HAUS6: variants seen among roughly 807,000 people sequenced by gnomAD.
HAUS6 encodes the protein HAUS augmin like complex subunit 6, also known as HAUS augmin-like complex subunit 6.
Under a neutral mutation model 106.8 loss-of-function variants are expected in HAUS6, and 80 were observed. The ratio of observed to expected loss-of-function variants is 0.75; its 90% CI spans 0.63 to 0.90. The LOEUF is 0.90. Among genes scored for constraint, HAUS6 ranks in the 40% least tolerant of loss-of-function variants. The pLI, the probability that HAUS6 is intolerant of heterozygous loss-of-function variation, is 0.00. For synonymous variants in HAUS6, 356 were observed against 379.1 expected, an observed-to-expected ratio of 0.94 and a Z score of 0.71; for missense variants, 1,155 against 1,118.1, an observed-to-expected ratio of 1.03 and a Z score of -0.47.
chr9:19,056,485 G>C (rs1588590171), intron 16 of HAUS6, 81 bp from the exon 17 acceptor site: 1 of 781,254 alleles, frequency 1.3e-6, no homozygotes, highest in Non-Finnish European at 2.3e-6. Context: ...GCAAATTTTA[G>C]TCAATACAAA....
In HAUS6 at chr9:19,054,892, A is replaced by G. The variant is rs1239242807; in HGVS notation, c.*1451T>C. The G allele has an allele frequency of 6.6e-6, 1 of 152,178 alleles. No individual in the cohort carries two copies. Among genetic ancestry groups the G allele is most frequent in the Non-Finnish European group, 1.5e-5 (1 of 68,036 alleles). The allele number at this position is 152,178 out of a possible 1,614,324, so 9.4% of individuals were successfully genotyped here. ...AGACAGTATCACATGCTAAGTTAAG[A>G]TTTTCAGATACTGAGTTTTCTTAAA... On this transcript the variant is annotated 3_prime_UTR_variant, in exon 17 of 17. Transcript: ENST00000380502.
chr9:19,058,363 C>T lies in HAUS6; in HGVS notation c.2404G>A (p.Glu802Lys), dbSNP rs1355685976. The change falls in exon 16 of 17, where the codon GAG becomes AAG. Residue 802 changes from glutamate to lysine, a missense_variant. This residue lies in a region of HAUS6 where 380 missense variants were observed against 394.8 expected (regional missense o/e 0.96). Coordinates refer to ENST00000380502, the MANE Select transcript of HAUS6 (RefSeq NM_017645.5). Reference protein sequence around the residue: ...SSSSEANFKLEPNSPMHGGTL... With the variant: ...SSSSEANFKLKPNSPMHGGTL... ...CCACCATGCATAGGACTATTTGGCT[C>T]CAGTTTAAAATTGGCCTCTGAACTA... is the stretch of plus-strand genomic sequence containing the variant. 6.8e-5 allele frequency: 110 copies of T among 1,613,742 alleles called. No homozygotes were observed. The highest frequency in any genetic ancestry group is 9.2e-5 in the Non-Finnish European group (109 of 1,179,850).
intron 11 of HAUS6, 26 bp from the exon 12 acceptor site, chr9:19,070,326 T>G (rs1464560999): frequency 8.6e-7 from 1 of 1,167,968 alleles, no homozygotes; most frequent in Non-Finnish European, 1.3e-6. Flanking sequence ...AATTGGTTAC[T>G]CTTTAATTAT....
chr9:19,065,291 G>C (rs1836736700), intron 12 of HAUS6, among the ~76,000 whole-genome samples: 1 of 152,182 alleles, frequency 6.6e-6, no homozygotes, highest in South Asian at 2.1e-4. Flanking sequence ...TGCCAAGATT[G>C]AGGCCTATGA....
chr9:19,084,083 T>C (rs894599752), intron 7 of HAUS6, among the ~76,000 whole-genome samples: 3 of 143,126 alleles, frequency 2.1e-5, no homozygotes, highest in African/African-American at 7.7e-5. Context: ...ACTCATAGAA[T>C]GTCTATTTGT....
intron 11 of HAUS6, among the ~76,000 whole-genome samples, chr9:19,071,436 G>T (rs1200756717): frequency 6.6e-6 from 1 of 152,052 alleles, no homozygotes; most frequent in Non-Finnish European, 1.5e-5. Flanking sequence ...AAGAGATATT[G>T]GTGAATAAGT....
At chr9:19,056,794 T>C (rs573422669) in intron 16 of HAUS6, 2 of 165,580 alleles carry the variant, frequency 1.2e-5, no homozygotes, top group East Asian at 3.4e-4. Context: ...AGAGACATAG[T>C]CTCCCTGTGT....
rs187698187 is a variant in HAUS6, at chr9:19,087,910, G to C, written c.585-754C>G. On this transcript the variant is annotated intron_variant, in intron 5 of 16. Transcript: ENST00000380502. ...CAATTATATACAACCTATTCTTTGA[G>C]AGTAACAGCCTTGTCTGTCCTGTTT... is the stretch of plus-strand genomic sequence containing the variant. Among the ~76,000 whole-genome samples, 28 of 146,994 alleles carry C rather than the reference G, an allele frequency of 1.9e-4. No homozygotes were observed. The East Asian group carries it at 3.8e-3, about 20-fold the overall frequency.
At chr9:19,057,737 GC>G (rs1263129664) in intron 16 of HAUS6, 2 of 426,750 alleles carry the variant, frequency 4.7e-6, no homozygotes. Context: ...GATTGGGGGG[GC>G]TTTTTTTTCC....
intron 7 of HAUS6, among the ~76,000 whole-genome samples, chr9:19,086,114 C>T (rs1013400254): frequency 7.3e-5 from 11 of 151,076 alleles, no homozygotes; most frequent in Non-Finnish European, 1.5e-4. Context: ...GAGTTCAAGA[C>T]CAGCTTGGCC....
intron 8 of HAUS6, among the ~76,000 whole-genome samples, chr9:19,081,141 T>C (rs1471218311): frequency 6.6e-6 from 1 of 151,364 alleles, no homozygotes; most frequent in East Asian, 1.9e-4. Flanking sequence ...ATGACGTAAA[T>C]AATTTTGGCC....
chr9:19,063,155 T>C lies in HAUS6; in HGVS notation c.1482A>G (p.Ala494=), dbSNP rs1288608840. 6.2e-7 allele frequency: 1 copy of C among 1,606,620 alleles called. No homozygotes were observed. The highest frequency in any genetic ancestry group is 8.5e-7 in the Non-Finnish European group (1 of 1,175,242). Residue 494 remains alanine (A), a synonymous_variant, in exon 14 of 17, where the codon GCA becomes GCG. Coordinates refer to ENST00000380502, the MANE Select transcript of HAUS6 (RefSeq NM_017645.5). ...CAAATTCTGGTATTTTCTTAGAAAT[T>C]GCTTCATTTTTTTCTTTGGGAGTTC... The part of the protein sequence containing the change: ...KMGTPKEKNE[A]ISKKIPEFEV...
At chr9:19,078,639 T>C (rs1837065280) in intron 9 of HAUS6, among the ~76,000 whole-genome samples, 1 of 148,872 alleles carries the variant, frequency 6.7e-6, no homozygotes, top group Non-Finnish European at 1.5e-5. Flanking sequence ...AATACAAAAA[T>C]TAGCCGGGCG....
chr9:19,086,137 C>A (rs779507283), intron 7 of HAUS6, among the ~76,000 whole-genome samples: 1 of 150,762 alleles, frequency 6.6e-6, no homozygotes, highest in African/African-American at 2.4e-5. Context: ...CATGGCGAAA[C>A]CCTATCTCTA....
At chr9:19,092,618 GAAAAAA>G (rs754952207) in intron 4 of HAUS6, among the ~76,000 whole-genome samples, 15 of 55,018 alleles carry the variant, frequency 2.7e-4, no homozygotes, top group African/African-American at 3.2e-4. Context: ...CTCCGTCTCG[GAAAAAA>G]AAAAAAAAAA....
intron 9 of HAUS6, among the ~76,000 whole-genome samples, chr9:19,078,939 G>A (rs1837073678): frequency 1.3e-5 from 2 of 149,824 alleles, no homozygotes; most frequent in South Asian, 4.2e-4. Context: ...TGGATCACAT[G>A]AGGTCAGGAG....
chr9:19,087,814 G>A (rs1397947425), intron 5 of HAUS6, among the ~76,000 whole-genome samples: 1 of 122,070 alleles, frequency 8.2e-6, no homozygotes, highest in Non-Finnish European at 1.6e-5. Context: ...CTGCACTCTA[G>A]TCTAGCTAAG....
At chr9:19,071,911 A>G (rs1245369593) in intron 11 of HAUS6, among the ~76,000 whole-genome samples, 1 of 152,110 alleles carries the variant, frequency 6.6e-6, no homozygotes, top group African/African-American at 2.4e-5. Flanking sequence ...AAAATTAACT[A>G]ACTATAAATG....
Position 19,059,056 on chromosome 9 carries a change from C to G in HAUS6, c.1766-55G>C, listed in dbSNP as rs1024586806. 1.1e-5 allele frequency: 10 copies of G among 923,506 alleles called. No individual in the cohort carries two copies. In the African/African-American group the frequency reaches 1.7e-4, roughly 15 times the overall value. 57.2% of individuals were successfully genotyped at this position (923,506 alleles called of 1,614,324 possible). The stretch of plus-strand genomic sequence containing the variant: ...CTAACATTCCCAAACATAGAGCATG[C>G]AATGAATCATTTTATTTCTAACACT... On this transcript the variant is annotated intron_variant, in intron 15 of 16. Coordinates refer to ENST00000380502, the MANE Select transcript of HAUS6 (RefSeq NM_017645.5).
Sources: allele counts gnomAD v4.1 joint callset (sites outside exome capture counted in the v4.1 genomes callset), GRCh38; gene constraint gnomAD v4.1.1; regional missense constraint gnomAD v4.1.1; transcripts MANE v1.5; gene names NCBI Gene and HGNC (gene_info 2026-07-23, HGNC 2026-07-21).